EML5: variants seen among roughly 807,000 people sequenced by gnomAD.
EML5 encodes the protein echinoderm microtubule-associated protein-like 5.
Under a neutral mutation model 250.0 loss-of-function variants are expected in EML5, and 120 were observed. The observed-to-expected ratio is 0.48, with a 90% CI of 0.41 to 0.56. EML5 has a LOEUF of 0.56. Among genes scored for constraint, EML5 ranks in the 20% least tolerant of loss-of-function variants. EML5 has a pLI of 0.00. For synonymous variants in EML5, 771 were observed against 806.5 expected, an observed-to-expected ratio of 0.96 and a Z score of 0.75; for missense variants, 2,006 against 2,437.6, an observed-to-expected ratio of 0.82 and a Z score of 3.73.
chr14:88,653,826 G>A (rs1410791790), intron 27 of EML5, among the ~76,000 whole-genome samples: 1 of 152,156 alleles, frequency 6.6e-6, no homozygotes, highest in African/African-American at 2.4e-5. Context: ...GAGTTAGGGA[G>A]GAGTCTCTCT....
intron 1 of EML5, among the ~76,000 whole-genome samples, chr14:88,763,517 C>T (rs1051527514): frequency 3.9e-5 from 6 of 151,982 alleles, no homozygotes; most frequent in Non-Finnish European, 7.4e-5. Context: ...TAATTAATAG[C>T]CTACCAACCA....
intron 1 of EML5, among the ~76,000 whole-genome samples, chr14:88,788,777 G>A (rs1305674936): frequency 6.6e-6 from 1 of 151,958 alleles, no homozygotes; most frequent in African/African-American, 2.4e-5. Context: ...TTGCACTCTG[G>A]CTGCACACGG....
At chr14:88,722,371 C>T (rs150522500) in intron 8 of EML5, among the ~76,000 whole-genome samples, 3 of 152,124 alleles carry the variant, frequency 2.0e-5, no homozygotes, top group African/African-American at 7.2e-5. Flanking sequence ...ACCCAAATGC[C>T]CATCAATGAT....
At chr14:88,634,212 T>C (rs1020650481) in intron 33 of EML5, among the ~76,000 whole-genome samples, 1 of 152,110 alleles carries the variant, frequency 6.6e-6, no homozygotes, top group Non-Finnish European at 1.5e-5. Context: ...TCTCTCTTCC[T>C]CCTGCTTCCA....
rs1186217438 is a variant in EML5 at position 88,736,356 on chromosome 14, T to TTGCTTA, written c.1049+2_1049+7dup. On this transcript the variant is annotated splice_region_variant and intron_variant, in intron 7 of 43. Transcript: ENST00000554922. The stretch of plus-strand genomic sequence containing the variant: ...CCAGCCTATGGAATTAGTTTATAAT[T>TTGCTTA]TGCTTACCTGACCGAACGATCATCA... 36 of 1,613,838 alleles carry TTGCTTA rather than the reference T, an allele frequency of 2.2e-5. No individual in the cohort carries two copies. Among genetic ancestry groups the TTGCTTA allele is most frequent in the Non-Finnish European group, 3.1e-5 (36 of 1,179,856 alleles).
intron 14 of EML5, among the ~76,000 whole-genome samples, chr14:88,699,137 G>A (rs2093149245): frequency 1.3e-5 from 2 of 152,082 alleles, no homozygotes; most frequent in South Asian, 4.1e-4. Context: ...AGAGTTCTCA[G>A]ATAGGCTTAG....
At chr14:88,737,431 C>T (rs1373769371) in intron 6 of EML5, among the ~76,000 whole-genome samples, 1 of 152,192 alleles carries the variant, frequency 6.6e-6, no homozygotes, top group Middle Eastern at 3.2e-3. Context: ...GGGATCCAGC[C>T]AGAGTATAAG....
intron 21 of EML5, among the ~76,000 whole-genome samples, chr14:88,667,903 A>C (rs190949963): frequency 2.2e-4 from 34 of 152,296 alleles, no homozygotes; most frequent in Non-Finnish European, 4.4e-4. Flanking sequence ...TAAGCTCTTC[A>C]AGCAGTGGTT....
At chr14:88,680,580 C>T (rs1161613836) in intron 21 of EML5, among the ~76,000 whole-genome samples, 4 of 152,038 alleles carry the variant, frequency 2.6e-5, no homozygotes, top group Non-Finnish European at 5.9e-5. Flanking sequence ...CTCTGGAATT[C>T]ATGAAGGGAC....
rs1430983769 is a variant in EML5, at chr14:88,616,778, C to T, written c.5744G>A (p.Gly1915Glu). The T allele has an allele frequency of 1.9e-6, 3 of 1,613,918 alleles. No homozygotes were observed. The highest frequency in any genetic ancestry group is 2.5e-6 in the Non-Finnish European group (3 of 1,179,856). ...VSHSGISLVT[G>E]DDFGMVKLFD... The stretch of plus-strand genomic sequence containing the variant: ...TAACTTAACCATGCCAAAGTCATCT[C>T]CTGTAACAAGACTGATTCCTGAATG... Residue 1915 changes from glycine to glutamate, a missense_variant, in exon 42 of 44, where the codon GGA becomes GAA. Physicochemically the swap from Gly to Glu is moderately conservative, Grantham distance 98. Around this residue, in one of 7 missense-constraint regions of EML5, gnomAD observed 405 missense variants for 523.3 expected, o/e 0.77. Coordinates refer to ENST00000554922, the MANE Select transcript of EML5 (RefSeq NM_183387.3).
chr14:88,751,783 CAGAG>C (rs1225004924), intron 2 of EML5, among the ~76,000 whole-genome samples: 2 of 152,044 alleles, frequency 1.3e-5, no homozygotes, highest in Non-Finnish European at 2.9e-5. Context: ...TAAAAATAAT[CAGAG>C]AGGGAGAAAG....
intron 1 of EML5, among the ~76,000 whole-genome samples, chr14:88,764,602 CCTA>C (rs2094295533): frequency 6.6e-6 from 1 of 152,044 alleles, no homozygotes; most frequent in South Asian, 2.1e-4. Flanking sequence ...TTCATTATTT[CCTA>C]CTTTGTTTGT....
At chr14:88,741,121 C>A (rs1261717969) in intron 4 of EML5, among the ~76,000 whole-genome samples, 2 of 151,962 alleles carry the variant, frequency 1.3e-5, no homozygotes, top group Non-Finnish European at 2.9e-5. Flanking sequence ...CAAGAGTGTA[C>A]CACTGCACTC....
intron 21 of EML5, among the ~76,000 whole-genome samples, chr14:88,667,891 G>A (rs1273853749): frequency 1.3e-5 from 2 of 152,192 alleles, no homozygotes; most frequent in African/African-American, 2.4e-5. Context: ...TTTGCCCTAG[G>A]TTAAGCTCTT....
intron 21 of EML5, among the ~76,000 whole-genome samples, chr14:88,669,071 C>A (rs535649842): frequency 6.6e-6 from 1 of 152,210 alleles, no homozygotes; most frequent in African/African-American, 2.4e-5. Flanking sequence ...GGGAGCTGCA[C>A]AGGACAAGGG....
At chr14:88,788,881 G>C (rs2140879915) in intron 1 of EML5, among the ~76,000 whole-genome samples, 1 of 140,382 alleles carries the variant, frequency 7.1e-6, no homozygotes, top group East Asian at 2.2e-4. Flanking sequence ...GCAACATACA[G>C]AGACCCCATC....
At chr14:88,729,456 A>C (rs978700810) in intron 7 of EML5, among the ~76,000 whole-genome samples, 1 of 152,216 alleles carries the variant, frequency 6.6e-6, no homozygotes, top group East Asian at 1.9e-4. Flanking sequence ...TGGTTGAAAA[A>C]AATGTTTTAA....
intron 1 of EML5, among the ~76,000 whole-genome samples, chr14:88,764,924 T>C (rs573155846): frequency 1.3e-5 from 2 of 152,342 alleles, no homozygotes; most frequent in South Asian, 4.1e-4. Flanking sequence ...TTATAATATA[T>C]AGCCTATTTT....
At chr14:88,675,392 T>G (rs1395657983) in intron 21 of EML5, among the ~76,000 whole-genome samples, 1 of 152,252 alleles carries the variant, frequency 6.6e-6, no homozygotes, top group Non-Finnish European at 1.5e-5. Context: ...ACATGGAAGC[T>G]GCCAAGGCTT....
Sources: allele counts gnomAD v4.1 joint callset (sites outside exome capture counted in the v4.1 genomes callset), GRCh38; gene constraint gnomAD v4.1.1; regional missense constraint gnomAD v4.1.1; transcripts MANE v1.5; gene names NCBI Gene and HGNC (gene_info 2026-07-23, HGNC 2026-07-21).